The following FILIP1 variants were observed in gnomAD, a reference collection of about 807,000 sequenced individuals.
The protein encoded by FILIP1 is filamin-A-interacting protein 1.
FILIP1 carries 61 observed loss-of-function variants against 102.1 expected under a neutral mutation model. The ratio of observed to expected loss-of-function variants is 0.60; its 90% CI spans 0.49 to 0.74. The LOEUF (loss-of-function observed/expected upper bound fraction) is 0.74, where lower values mean the gene tolerates loss of function less well. Ranked by LOEUF, FILIP1 falls within the 30% of genes least tolerant of loss-of-function variation. The probability of loss-of-function intolerance (pLI) is 0.00; values close to 1 mark genes in which losing one functional copy is unlikely to be tolerated. For synonymous variants in FILIP1, 491 were observed against 526.9 expected, an observed-to-expected ratio of 0.93 and a Z score of 0.93; for missense variants, 1,314 against 1,441.2, an observed-to-expected ratio of 0.91 and a Z score of 1.43.
chr6:75,313,744 C>A lies in FILIP1; in HGVS notation c.2088G>T (p.Lys696Asn). Reference sequence around the variant, plus strand: ...CAGCTTCCTGGCTCACAACCTCACCCTTCTCTATTGCTTTATTCTTGGCAA... The same window carrying A: ...CAGCTTCCTGGCTCACAACCTCACCATTCTCTATTGCTTTATTCTTGGCAA... ...HQIAKNKAIE[K>N]GEVVSQEAEL... The change falls in exon 5 of 6, where the codon AAG becomes AAT. Residue 696 changes from lysine (K) to asparagine (N), a missense_variant. Transcript: ENST00000237172. This position sits in a 1 kb window ranked among gnomAD's most constrained non-coding sequence, Gnocchi z 4.2. 6.3e-7 allele frequency: 1 copy of A among 1,582,198 alleles called. No individual in the cohort carries two copies. Among genetic ancestry groups the A allele is most frequent in the Non-Finnish European group, 8.6e-7 (1 of 1,167,594 alleles).
At chr6:75,309,376 T>A (rs940007536) in intron 5 of FILIP1, among the ~76,000 whole-genome samples, 3 of 152,198 alleles carry the variant, frequency 2.0e-5, no homozygotes, top group Admixed American at 6.5e-5. Flanking sequence ...CTCCTAACAC[T>A]GTCTTGCTGT....
At chr6:75,441,653 C>CG (rs563539943) in intron 1 of FILIP1, among the ~76,000 whole-genome samples, 2 of 145,468 alleles carry the variant, frequency 1.4e-5, no homozygotes, top group African/African-American at 2.6e-5. Flanking sequence ...GCTGGCCGGG[C>CG]GGGGGGCTGA....
At chr6:75,435,734 T>C (rs1283593535) in intron 1 of FILIP1, among the ~76,000 whole-genome samples, 2 of 152,232 alleles carry the variant, frequency 1.3e-5, no homozygotes, top group Non-Finnish European at 2.9e-5. Flanking sequence ...TGATTTCTGC[T>C]GAGTGACTTT....
At chr6:75,322,701 T>C (rs951108678) in intron 4 of FILIP1, among the ~76,000 whole-genome samples, 2 of 152,224 alleles carry the variant, frequency 1.3e-5, no homozygotes, top group Non-Finnish European at 2.9e-5. Flanking sequence ...AATAAAATTA[T>C]ACTTTTTTTT....
In FILIP1 at chr6:75,308,731, G is replaced by A. The variant is rs1773071204; in HGVS notation, c.3602C>T (p.Ala1201Val). The change falls in exon 6 of 6, where the codon GCA becomes GTA. Residue 1201 changes from alanine (A) to valine (V), a missense_variant. Physicochemically the swap from Ala to Val is moderately conservative, Grantham distance 64 (BLOSUM62 0). Coordinates refer to ENST00000237172, the MANE Select transcript of FILIP1 (RefSeq NM_015687.5). ...QSMKIELKKS[A>V]ASSTTSLGGG... Reference sequence around the variant, plus strand: ...TCCGAGAGAGGTGGTGCTGCTGGCTGCAGATTTCTTCAGCTCTATTTTCAT... The same window carrying A: ...TCCGAGAGAGGTGGTGCTGCTGGCTACAGATTTCTTCAGCTCTATTTTCAT... The A allele has an allele frequency of 6.2e-7, 1 of 1,613,470 alleles. No homozygotes were observed. The highest frequency in any genetic ancestry group is 1.1e-5 in the South Asian group (1 of 91,056).
intron 1 of FILIP1, among the ~76,000 whole-genome samples, chr6:75,459,429 C>T (rs192328523): frequency 6.6e-6 from 1 of 152,250 alleles, no homozygotes; most frequent in Non-Finnish European, 1.5e-5. Flanking sequence ...AGAATTTTCA[C>T]ATGAAACATA....
At chr6:75,408,311 T>C (rs1776941942) in intron 2 of FILIP1, among the ~76,000 whole-genome samples, 1 of 152,184 alleles carries the variant, frequency 6.6e-6, no homozygotes, top group African/African-American at 2.4e-5. Flanking sequence ...AATGTCCCTC[T>C]TCAAGACAAG....
At chr6:75,328,582 G>A (rs1356220102) in intron 4 of FILIP1, among the ~76,000 whole-genome samples, 7 of 152,200 alleles carry the variant, frequency 4.6e-5, no homozygotes, top group South Asian at 2.1e-4. Flanking sequence ...TCGGCCTCCC[G>A]GGTTTAAGCA....
intron 2 of FILIP1, among the ~76,000 whole-genome samples, chr6:75,409,913 T>C (rs944495245): frequency 6.6e-6 from 1 of 151,870 alleles, no homozygotes; most frequent in African/African-American, 2.4e-5. Flanking sequence ...CCCCAACCAA[T>C]CAGCAGCACC....
chr6:75,307,395 C>T (rs1390204515), downstream of FILIP1, among the ~76,000 whole-genome samples: 1 of 152,110 alleles, frequency 6.6e-6, no homozygotes, highest in Non-Finnish European at 1.5e-5. Flanking sequence ...AATTTTGGAA[C>T]ACTCACAATT....
chr6:75,375,474 A>G (rs1775722922), intron 2 of FILIP1, among the ~76,000 whole-genome samples: 1 of 152,212 alleles, frequency 6.6e-6, no homozygotes, highest in African/African-American at 2.4e-5. Context: ...GCAAATGCCA[A>G]TATTATCCCA....
intron 4 of FILIP1, 95 bp downstream of exon 4, chr6:75,353,444 A>T: frequency 7.3e-7 from 1 of 1,363,172 alleles, no homozygotes; most frequent in East Asian, 2.3e-5. Flanking sequence ...CCTGTCCACG[A>T]TGCCCCTGGC....
intron 1 of FILIP1, among the ~76,000 whole-genome samples, chr6:75,432,848 C>T (rs1240342010): frequency 2.6e-5 from 4 of 151,974 alleles, no homozygotes; most frequent in Admixed American, 6.6e-5. Context: ...CACTTCCCAA[C>T]AGGCCCCGGT....
intron 1 of FILIP1, among the ~76,000 whole-genome samples, chr6:75,487,382 C>A (rs1779818477): frequency 6.6e-6 from 1 of 152,076 alleles, no homozygotes; most frequent in African/African-American, 2.4e-5. Context: ...ACTTAGGCTG[C>A]CACACTGAAA....
intron 4 of FILIP1, among the ~76,000 whole-genome samples, chr6:75,344,871 A>G (rs1259269708): frequency 2.0e-5 from 3 of 152,236 alleles, no homozygotes; most frequent in Admixed American, 1.3e-4. Flanking sequence ...GTGAGCTTTG[A>G]TCACACCACT....
chr6:75,298,988 A>G (rs1464580620), intron 6 of FILIP1, among the ~76,000 whole-genome samples: 2 of 151,472 alleles, frequency 1.3e-5, no homozygotes, highest in African/African-American at 2.4e-5. Context: ...TCTGAGGCAC[A>G]TGGAGTCCAT....
chr6:75,441,930 G>T (rs1778265376), intron 1 of FILIP1, among the ~76,000 whole-genome samples: 1 of 151,436 alleles, frequency 6.6e-6, no homozygotes, highest in Non-Finnish European at 1.5e-5. Flanking sequence ...GGCCGGGCGG[G>T]GGGCTGACCC....
chr6:75,437,515 G>A (rs1303223686), intron 1 of FILIP1, among the ~76,000 whole-genome samples: 2 of 152,206 alleles, frequency 1.3e-5, no homozygotes, highest in Admixed American at 6.5e-5. Context: ...GCCTGAGTCT[G>A]TGATATTTCG....
At chr6:75,301,168 C>T (rs867134109) in intron 6 of FILIP1, among the ~76,000 whole-genome samples, 4 of 152,116 alleles carry the variant, frequency 2.6e-5, no homozygotes, top group Non-Finnish European at 4.4e-5. Context: ...AAGGTCACTG[C>T]GCTTTTTAAA....
Sources: allele counts gnomAD v4.1 joint callset (sites outside exome capture counted in the v4.1 genomes callset), GRCh38; gene constraint gnomAD v4.1.1; non-coding constraint Gnocchi (gnomAD v3.1); transcripts MANE v1.5; gene names NCBI Gene and HGNC (gene_info 2026-07-23, HGNC 2026-07-21).